Variants in CREB5 observed in about 807,000 individuals in gnomAD.
The protein encoded by CREB5 is cyclic AMP-responsive element-binding protein 5.
Under a neutral mutation model 57.1 loss-of-function variants are expected in CREB5, and 19 were observed. The observed-to-expected ratio is 0.33, with a 90% confidence interval of 0.23 to 0.49. CREB5 has a LOEUF of 0.49. Among genes scored for constraint, CREB5 ranks in the 20% least tolerant of loss-of-function variants. CREB5 has a pLI of 0.99. For synonymous variants in CREB5, 238 were observed against 238.3 expected (o/e 1.00, Z 0.01); for missense variants, 579 against 671.6 (o/e 0.86, Z 1.52).
rs1382083968 is a variant in CREB5, at chr7:28,591,268, C to CA, written c.464+20732dup. Reference sequence around the variant, plus strand: ...TGAAGTCACAGAGTGATTTATTTTTCACCCAAGCATAACGCCATTCCTTCA... The same window carrying CA: ...TGAAGTCACAGAGTGATTTATTTTTCAACCCAAGCATAACGCCATTCCTTCA... On this transcript the variant is annotated intron_variant, in intron 5 of 10. Transcript: ENST00000357727. 4.6e-5 allele frequency among the ~76,000 whole-genome samples: 7 copies of CA among 152,278 alleles called. No homozygotes were observed. In the East Asian group the frequency reaches 1.4e-3, roughly 29 times the overall value.
intron 4 of CREB5, among the ~76,000 whole-genome samples, chr7:28,525,635 T>C (rs1310195779): frequency 6.6e-6 from 1 of 152,190 alleles, no homozygotes; most frequent in Non-Finnish European, 1.5e-5. Flanking sequence ...TGTCTTCTCA[T>C]TGGCATGCAG....
intron 1 of CREB5, among the ~76,000 whole-genome samples, chr7:28,484,831 A>G (rs952289359): frequency 6.6e-6 from 1 of 152,216 alleles, no homozygotes; most frequent in Admixed American, 6.5e-5. Flanking sequence ...TCAGTGGCTA[A>G]CAGATTAGAT....
chr7:28,686,219 C>G (rs188377269), intron 5 of CREB5: 11 of 1,585,958 alleles, frequency 6.9e-6, no homozygotes, highest in Non-Finnish European at 9.5e-6. Flanking sequence ...ATTTTATTTT[C>G]TTTTCTCCTG....
At chr7:28,625,465 C>A (rs1797964250) in intron 5 of CREB5, among the ~76,000 whole-genome samples, 1 of 152,176 alleles carries the variant, frequency 6.6e-6, no homozygotes, top group Non-Finnish European at 1.5e-5. Flanking sequence ...CATTCTACCC[C>A]ATGTTCTCAG....
intron 2 of CREB5, chr7:28,491,330 TGGGGG>T: frequency 1.2e-6 from 1 of 824,652 alleles, no homozygotes; most frequent in Non-Finnish European, 1.5e-6. Context: ...TGGGGAGGAG[TGGGGG>T]TGCCAATTCC....
chr7:28,570,339 C>T (rs772760663), intron 4 of CREB5, 26 bp from the exon 5 acceptor site: 1 of 1,598,732 alleles, frequency 6.3e-7, no homozygotes, highest in South Asian at 1.1e-5. Context: ...TCCTCCTGAC[C>T]TTTCCCCTGT....
chr7:28,327,006 G>A (rs141863637), intron 1 of CREB5, among the ~76,000 whole-genome samples: 232 of 151,990 alleles, frequency 1.5e-3, no homozygotes, highest in African/African-American at 5.2e-3. Flanking sequence ...AAAATTAGCC[G>A]GGCGTGGTGG....
intron 1 of CREB5, among the ~76,000 whole-genome samples, chr7:28,373,487 C>T (rs1254217828): frequency 1.4e-5 from 2 of 147,176 alleles, no homozygotes; most frequent in Admixed American, 6.8e-5. Context: ...GTTGCCCAGG[C>T]TGAAGTGCAG....
At chr7:28,598,553 A>T (rs962643153) in intron 5 of CREB5, among the ~76,000 whole-genome samples, 2 of 152,102 alleles carry the variant, frequency 1.3e-5, no homozygotes, top group Non-Finnish European at 2.9e-5. Flanking sequence ...GCTTTTCATG[A>T]TGCATTGGGT....
intron 7 of CREB5, among the ~76,000 whole-genome samples, chr7:28,754,585 T>G (rs1805182064): frequency 6.6e-6 from 1 of 152,144 alleles, no homozygotes; most frequent in Non-Finnish European, 1.5e-5. Context: ...AGAATATTGG[T>G]TAAAGATGCA....
At chr7:28,719,774 A>G (rs1211349444) in intron 6 of CREB5, among the ~76,000 whole-genome samples, 2 of 152,200 alleles carry the variant, frequency 1.3e-5, no homozygotes, top group African/African-American at 2.4e-5. Context: ...TAAAAATAAT[A>G]GATAAGGCCA....
intron 1 of CREB5, among the ~76,000 whole-genome samples, chr7:28,414,427 T>A (rs1369554237): frequency 6.6e-6 from 1 of 152,182 alleles, no homozygotes; most frequent in African/African-American, 2.4e-5. Flanking sequence ...TTTAAATCTA[T>A]GACTATTTCT....
intron 7 of CREB5, among the ~76,000 whole-genome samples, chr7:28,756,645 C>A (rs1163080985): frequency 2.6e-5 from 4 of 151,976 alleles, no homozygotes; most frequent in African/African-American, 9.7e-5. Context: ...AGAAATCTTC[C>A]AGAAGTGTGA....
intron 5 of CREB5, among the ~76,000 whole-genome samples, chr7:28,658,254 TA>T (rs1394820513): frequency 1.3e-5 from 2 of 152,190 alleles, no homozygotes; most frequent in Non-Finnish European, 2.9e-5. Context: ...AGAATCAGGA[TA>T]AAATTTCTGA....
At chr7:28,640,129 C>T (rs185414267) in intron 5 of CREB5, among the ~76,000 whole-genome samples, 3 of 152,260 alleles carry the variant, frequency 2.0e-5, no homozygotes, top group Non-Finnish European at 2.9e-5. Context: ...TTCTCAGATA[C>T]TCTGCACTCT....
intron 5 of CREB5, among the ~76,000 whole-genome samples, chr7:28,590,121 G>A (rs941674213): frequency 1.7e-4 from 26 of 152,060 alleles, no homozygotes; most frequent in Admixed American, 1.3e-4. Flanking sequence ...ACAGTGTGGC[G>A]ATTCCTCAGG....
At chr7:28,771,038 C>A (rs555903736) in intron 7 of CREB5, among the ~76,000 whole-genome samples, 1 of 152,156 alleles carries the variant, frequency 6.6e-6, no homozygotes, top group African/African-American at 2.4e-5. Context: ...CTGAAAATCA[C>A]AAAATTTTGT....
chr7:28,666,738 G>A (rs1045745714), intron 5 of CREB5, among the ~76,000 whole-genome samples: 1 of 151,828 alleles, frequency 6.6e-6, no homozygotes, highest in Admixed American at 6.6e-5. Context: ...CAGGCAGGGG[G>A]ATCAGGATCA....
chr7:28,390,497 A>AT (rs1787195452), intron 1 of CREB5, among the ~76,000 whole-genome samples: 1 of 152,186 alleles, frequency 6.6e-6, no homozygotes, highest in African/African-American at 2.4e-5. Flanking sequence ...GGAGCCTCTG[A>AT]TGTCTTGCAG....
Sources: allele counts gnomAD v4.1 joint callset (sites outside exome capture counted in the v4.1 genomes callset), GRCh38; gene constraint gnomAD v4.1.1; transcripts MANE v1.5; gene names NCBI Gene and HGNC (gene_info 2026-07-23, HGNC 2026-07-21).